SGCZ: variants seen among roughly 807,000 people sequenced by gnomAD.
SGCZ encodes zeta-sarcoglycan.
A neutral mutation model predicts 41.3 loss-of-function variants in SGCZ; 40 were observed. The ratio of observed to expected loss-of-function variants is 0.97; its 90% confidence interval spans 0.75 to 1.26. The LOEUF (loss-of-function observed/expected upper bound fraction) is 1.26. Ranked by LOEUF, SGCZ falls within the 50% of genes most tolerant of loss-of-function variation. The pLI is 0.00. For synonymous variants in SGCZ, 206 were observed against 137.5 expected (o/e 1.50, Z -3.49); for missense variants, 552 against 369.8 (o/e 1.49, Z -4.04).
At chr8:15,037,516 T>C (rs1269835856) in intron 1 of SGCZ, among the ~76,000 whole-genome samples, 31 of 152,174 alleles carry the variant, frequency 2.0e-4, no homozygotes, top group Non-Finnish European at 1.5e-5. Flanking sequence ...CAGCTTATGT[T>C]ATACTCAACA....
chr8:15,012,047 C>G (rs1434360096), intron 1 of SGCZ, among the ~76,000 whole-genome samples: 2 of 152,160 alleles, frequency 1.3e-5, no homozygotes, highest in Non-Finnish European at 2.9e-5. Context: ...TTTAACTACT[C>G]AATCGCATTA....
At chr8:14,116,799 T>C (rs1802537125) in intron 5 of SGCZ, among the ~76,000 whole-genome samples, 1 of 152,114 alleles carries the variant, frequency 6.6e-6, no homozygotes, top group Non-Finnish European at 1.5e-5. Context: ...TTTTTACTTT[T>C]AACTAAAGAA....
At chr8:14,872,770 T>A (rs759057337) in intron 1 of SGCZ, among the ~76,000 whole-genome samples, 1 of 152,182 alleles carries the variant, frequency 6.6e-6, no homozygotes, top group Non-Finnish European at 1.5e-5. Flanking sequence ...TTGAGTTAAT[T>A]GTAAGCTCCT....
At chr8:14,929,153 A>C (rs1468967657) in intron 1 of SGCZ, among the ~76,000 whole-genome samples, 2 of 151,954 alleles carry the variant, frequency 1.3e-5, no homozygotes, top group Non-Finnish European at 2.9e-5. Context: ...CACCACGCCC[A>C]GCTAATTTTT....
intron 1 of SGCZ, among the ~76,000 whole-genome samples, chr8:14,780,385 A>G (rs1800552301): frequency 1.3e-5 from 2 of 151,636 alleles, no homozygotes; most frequent in South Asian, 4.1e-4. Context: ...AAAAAAAAAA[A>G]AAAAAGAAAA....
intron 2 of SGCZ, among the ~76,000 whole-genome samples, chr8:14,370,154 G>A (rs1188705018): frequency 6.6e-6 from 1 of 151,822 alleles, no homozygotes; most frequent in Non-Finnish European, 1.5e-5. Flanking sequence ...ACACAAAGGA[G>A]AAGAAAGGAG....
intron 1 of SGCZ, among the ~76,000 whole-genome samples, chr8:14,800,285 C>G (rs138978977): frequency 6.6e-6 from 1 of 152,112 alleles, no homozygotes; most frequent in South Asian, 2.1e-4. Flanking sequence ...GTCTATCACT[C>G]TAGTGGGTGT....
chr8:15,091,915 G>A (rs947459506), intron 1 of SGCZ, among the ~76,000 whole-genome samples: 1 of 152,032 alleles, frequency 6.6e-6, no homozygotes, highest in Admixed American at 6.6e-5. Flanking sequence ...ATTATGCCTA[G>A]TTAATTTTTT....
intron 3 of SGCZ, among the ~76,000 whole-genome samples, chr8:14,280,791 A>T (rs1800401614): frequency 2.5e-5 from 2 of 81,066 alleles, no homozygotes; most frequent in Admixed American, 1.8e-4. Flanking sequence ...CAGTGCTTTT[A>T]AACTATAGGG....
intron 1 of SGCZ, among the ~76,000 whole-genome samples, chr8:14,775,048 T>C (rs1211482390): frequency 1.3e-5 from 2 of 152,202 alleles, no homozygotes; most frequent in Non-Finnish European, 2.9e-5. Flanking sequence ...TTCACAATTA[T>C]AGTATACTAA....
At chr8:14,681,512 GTA>G (rs1808445712) in intron 1 of SGCZ, among the ~76,000 whole-genome samples, 1 of 152,166 alleles carries the variant, frequency 6.6e-6, no homozygotes, top group African/African-American at 2.4e-5. Context: ...TACCACCTAT[GTA>G]TATGTTACCT....
intron 1 of SGCZ, among the ~76,000 whole-genome samples, chr8:14,845,982 T>A (rs1803087432): frequency 6.6e-6 from 1 of 152,226 alleles, no homozygotes; most frequent in African/African-American, 2.4e-5. Flanking sequence ...TCAGTTCACA[T>A]GGAATCATTA....
At chr8:14,539,363 T>A (rs781426530) in intron 2 of SGCZ, among the ~76,000 whole-genome samples, 1 of 151,788 alleles carries the variant, frequency 6.6e-6, no homozygotes, top group East Asian at 1.9e-4. Flanking sequence ...AAAAGAACTA[T>A]AGAAGAGACC....
intron 2 of SGCZ, among the ~76,000 whole-genome samples, chr8:14,416,990 G>A (rs1169121330): frequency 2.0e-5 from 3 of 151,804 alleles, no homozygotes; most frequent in African/African-American, 7.2e-5. Context: ...AGAAGTATGG[G>A]AGTTAAATTG....
At chr8:15,194,765 C>T (rs543702204) in intron 1 of SGCZ, among the ~76,000 whole-genome samples, 1 of 152,258 alleles carries the variant, frequency 6.6e-6, no homozygotes, top group African/African-American at 2.4e-5. Context: ...AGGAAACATT[C>T]TCCATTCGAG....
chr8:14,987,909 A>G (rs568646304), intron 1 of SGCZ, among the ~76,000 whole-genome samples: 22 of 152,138 alleles, frequency 1.4e-4, no homozygotes, highest in Admixed American at 1.4e-3. Context: ...CTTTCAGAGC[A>G]GCAGAAATTT....
chr8:14,564,050 T>A (rs1285887373), intron 1 of SGCZ, among the ~76,000 whole-genome samples: 1 of 152,186 alleles, frequency 6.6e-6, no homozygotes, highest in Non-Finnish European at 1.5e-5. Flanking sequence ...CTAATTTCTG[T>A]TTAGACCTGT....
At chr8:14,219,476 C>T (rs1234802932) in intron 4 of SGCZ, among the ~76,000 whole-genome samples, 6 of 152,198 alleles carry the variant, frequency 3.9e-5, no homozygotes. Context: ...GAACTGGGCA[C>T]AGTGGCTCAC....
At chr8:14,170,824 A>G (rs1175318716) in intron 4 of SGCZ, among the ~76,000 whole-genome samples, 1 of 152,140 alleles carries the variant, frequency 6.6e-6, no homozygotes, top group African/African-American at 2.4e-5. Flanking sequence ...AAAAAATGGC[A>G]TGTCACATGC....
Sources: gnomAD v4.1 joint callset for allele counts (sites outside exome capture counted in the v4.1 genomes callset) on GRCh38, gnomAD v4.1.1 for gene constraint, MANE v1.5 for transcripts, NCBI Gene and HGNC (gene_info 2026-07-23, HGNC 2026-07-21) for gene names.